SH3KBP1: variants seen among roughly 807,000 people sequenced by gnomAD.
SH3KBP1 encodes SH3 domain containing kinase binding protein 1.
SH3KBP1 carries 8 observed loss-of-function variants against 50.1 expected under a neutral mutation model. The observed-to-expected ratio is 0.16, with a 90% confidence interval of 0.09 to 0.29. The LOEUF is 0.29. SH3KBP1 is among the 10% of genes least tolerant of loss of function. The pLI is 1.00. For synonymous variants in SH3KBP1, 227 were observed against 218.6 expected (o/e 1.04, Z -0.34); for missense variants, 377 against 535.2 (o/e 0.70, Z 2.92).
chrX:19,859,407 C>A (rs1240510882), intron 1 of SH3KBP1, among the ~76,000 whole-genome samples: 2 of 111,649 alleles, frequency 1.8e-5, no homozygotes, highest in African/African-American at 6.5e-5. Context: ...CTCAGCCTCC[C>A]AAAGTTCTGG....
intron 12 of SH3KBP1, among the ~76,000 whole-genome samples, chrX:19,581,854 A>T (rs1459646573): frequency 5.8e-5 from 5 of 86,549 alleles, no homozygotes; most frequent in South Asian, 1.0e-3. Flanking sequence ...CTACAGGTTT[A>T]AAAAAAAAAA....
At chrX:19,678,635 C>A (rs746218921) in intron 6 of SH3KBP1, among the ~76,000 whole-genome samples, 1 of 110,888 alleles carries the variant, frequency 9.0e-6, no homozygotes, top group African/African-American at 3.3e-5. Flanking sequence ...AAAAAAAAAT[C>A]AGCAAAATAT....
intron 7 of SH3KBP1, among the ~76,000 whole-genome samples, chrX:19,638,227 G>A (rs976721090): frequency 5.9e-4 from 65 of 109,464 alleles, no homozygotes; most frequent in African/African-American, 3.3e-4. Context: ...TGGCTAACAC[G>A]GTGAAACCCC....
intron 12 of SH3KBP1, among the ~76,000 whole-genome samples, chrX:19,570,604 GTGGGT>G (rs2065978044): frequency 9.0e-6 from 1 of 111,678 alleles, no homozygotes; most frequent in African/African-American, 3.3e-5. Context: ...GGCAGGTGCT[GTGGGT>G]AAACTCCAAA....
At chrX:19,836,599 T>C (rs765005337) in intron 1 of SH3KBP1, among the ~76,000 whole-genome samples, 38 of 111,533 alleles carry the variant, frequency 3.4e-4, no homozygotes, top group African/African-American at 1.2e-3. Flanking sequence ...TCCAGCATTG[T>C]CTCCCCGAGC....
At chrX:19,772,477 T>G (rs751724638) in intron 2 of SH3KBP1, among the ~76,000 whole-genome samples, 1 of 110,662 alleles carries the variant, frequency 9.0e-6, no homozygotes, top group Non-Finnish European at 1.9e-5. Context: ...CCAGTTTTTG[T>G]TTTTTGTTTT....
At chrX:19,803,464 C>T (rs980469193) in intron 2 of SH3KBP1, among the ~76,000 whole-genome samples, 10 of 112,098 alleles carry the variant, frequency 8.9e-5, no homozygotes, top group African/African-American at 3.2e-4. Flanking sequence ...CCTGCCTTGA[C>T]CTCCCAAAGC....
chrX:19,853,430 A>G lies in SH3KBP1; in HGVS notation c.5-17148T>C, dbSNP rs771697232. Among the ~76,000 whole-genome samples, 5 of 110,706 alleles carry G rather than the reference A, an allele frequency of 4.5e-5. No homozygotes were observed. The East Asian group carries it at 1.1e-3, about 25-fold the overall frequency. ...AGGGGGTGGTCAGGGAGTAGGGGAGATGGTGGCATGTGGAAACATTATGAT... is the reference window on the plus strand; with the variant it reads ...AGGGGGTGGTCAGGGAGTAGGGGAGGTGGTGGCATGTGGAAACATTATGAT... On this transcript the variant is annotated intron_variant, in intron 1 of 17. Transcript: ENST00000397821.
intron 15 of SH3KBP1, among the ~76,000 whole-genome samples, chrX:19,544,870 G>A (rs1287027262): frequency 1.8e-5 from 2 of 111,533 alleles, no homozygotes; most frequent in Admixed American, 1.9e-4. Context: ...TCAGAACCAC[G>A]AAAACCCACT....
intron 7 of SH3KBP1, among the ~76,000 whole-genome samples, chrX:19,633,067 T>C (rs1333995128): frequency 2.7e-5 from 3 of 111,789 alleles, no homozygotes; most frequent in Non-Finnish European, 5.6e-5. Flanking sequence ...TTATTTTGGT[T>C]AACATCCCAA....
At chrX:19,722,885 A>G (rs1301333603) in intron 3 of SH3KBP1, among the ~76,000 whole-genome samples, 1 of 110,276 alleles carries the variant, frequency 9.1e-6, no homozygotes, top group African/African-American at 3.3e-5. Flanking sequence ...CTGTAATCCC[A>G]GCACTTTGGG....
chrX:19,805,255 G>A (rs907741811), intron 2 of SH3KBP1, among the ~76,000 whole-genome samples: 1 of 110,731 alleles, frequency 9.0e-6, no homozygotes, highest in South Asian at 3.8e-4. Flanking sequence ...GCATTACTGC[G>A]CATGTTTAAA....
At chrX:19,871,726 A>T (rs1214996824) in intron 1 of SH3KBP1, among the ~76,000 whole-genome samples, 1 of 111,383 alleles carries the variant, frequency 9.0e-6, no homozygotes, top group Non-Finnish European at 1.9e-5. Flanking sequence ...AGCCACCCTT[A>T]CGTGGTGCCC....
chrX:19,803,908 C>A (rs922662343), intron 2 of SH3KBP1, among the ~76,000 whole-genome samples: 8 of 112,034 alleles, frequency 7.1e-5, no homozygotes, highest in African/African-American at 2.3e-4. Context: ...CACAGTGGCT[C>A]ACGCCTGTAA....
intron 2 of SH3KBP1, among the ~76,000 whole-genome samples, chrX:19,773,945 G>A (rs1023098792): frequency 7.6e-5 from 8 of 105,410 alleles, no homozygotes; most frequent in Admixed American, 7.3e-4. Context: ...TGGTGCCACT[G>A]TCACTGTGTG....
chrX:19,761,421 GA>G (rs1160556688), intron 2 of SH3KBP1, among the ~76,000 whole-genome samples: 4 of 107,291 alleles, frequency 3.7e-5, no homozygotes, highest in Non-Finnish European at 7.7e-5. Context: ...GGGAGGAAAG[GA>G]GGGAGAGAGA....
At chrX:19,787,543 G>A (rs1289131657) in intron 2 of SH3KBP1, among the ~76,000 whole-genome samples, 2 of 111,450 alleles carry the variant, frequency 1.8e-5, no homozygotes, top group Non-Finnish European at 1.9e-5. Context: ...GGCATGCTCT[G>A]CACACAGAAT....
intron 3 of SH3KBP1, among the ~76,000 whole-genome samples, chrX:19,743,891 A>C (rs1196149545): frequency 1.8e-5 from 2 of 112,793 alleles, no homozygotes; most frequent in Non-Finnish European, 3.7e-5. Flanking sequence ...CCATATACAG[A>C]AAACAGTCAT....
At chrX:19,827,745 G>GT in intron 2 of SH3KBP1, among the ~76,000 whole-genome samples, 1 of 81,521 alleles carries the variant, frequency 1.2e-5, no homozygotes, top group East Asian at 4.5e-4. Context: ...CTGGCTTTCT[G>GT]TTTTAGGTAG....
Sources: gnomAD v4.1 joint callset for allele counts (sites outside exome capture counted in the v4.1 genomes callset) on GRCh38, gnomAD v4.1.1 for gene constraint, MANE v1.5 for transcripts, NCBI Gene and HGNC (gene_info 2026-07-23, HGNC 2026-07-21) for gene names.